Variants in MYO6 observed in about 807,000 individuals in gnomAD.
MYO6 encodes unconventional myosin-VI.
A neutral mutation model predicts 178.7 loss-of-function variants in MYO6; 74 were observed. The ratio of observed to expected loss-of-function variants is 0.41; its 90% CI spans 0.34 to 0.50. The LOEUF (loss-of-function observed/expected upper bound fraction) is 0.50, where lower values mean the gene tolerates loss of function less well. MYO6 is among the 20% of genes least tolerant of loss of function. The pLI, the probability that MYO6 is intolerant of heterozygous loss-of-function variation, is 0.09. For missense variants in MYO6, 1,330 were observed against 1,547.4 expected (o/e 0.86, Z 2.36); for synonymous variants, 477 against 504.6 (o/e 0.95, Z 0.73).
intron 20 of MYO6, among the ~76,000 whole-genome samples, chr6:75,874,064 T>G (rs1777371078): frequency 6.6e-6 from 1 of 152,226 alleles, no homozygotes; most frequent in Non-Finnish European, 1.5e-5. Flanking sequence ...CTCTGACTCC[T>G]TATTTTGCTC....
At chr6:75,869,349 G>T (rs1223600748) in intron 18 of MYO6, among the ~76,000 whole-genome samples, 1 of 152,082 alleles carries the variant, frequency 6.6e-6, no homozygotes, top group Non-Finnish European at 1.5e-5. Context: ...ACAGGAGAAT[G>T]AAATTTGGTG....
At chr6:75,868,890 T>G (rs1314420212) in intron 18 of MYO6, among the ~76,000 whole-genome samples, 1 of 152,066 alleles carries the variant, frequency 6.6e-6, no homozygotes, top group Non-Finnish European at 1.5e-5. Context: ...GAAACATAAT[T>G]CTATTATAAG....
rs768288359 is a variant in MYO6, at chr6:75,866,552, T to G, written c.1701T>G (p.Val567=). ...LTIPRKSKLA[V]HRNIRDDEGF... ...TTCCCAGAAAATCTAAGCTGGCAGT[T>G]CATAGGAATATCAGAGACGACGAAG... is the stretch of plus-strand genomic sequence containing the variant. The change falls in exon 17 of 35, where the codon GTT becomes GTG. Residue 567 remains valine, a synonymous_variant. Transcript: ENST00000369977. The G allele has an allele frequency of 6.2e-7, 1 of 1,613,992 alleles. No homozygotes were observed. Among genetic ancestry groups the G allele is most frequent in the Non-Finnish European group, 8.5e-7 (1 of 1,179,876 alleles).
chr6:75,837,577 T>G (rs888287347), intron 7 of MYO6, among the ~76,000 whole-genome samples: 2 of 152,200 alleles, frequency 1.3e-5, no homozygotes, highest in African/African-American at 4.8e-5. Context: ...ATTAGGGGCC[T>G]TGTATGTTCA....
intron 19 of MYO6, among the ~76,000 whole-genome samples, chr6:75,871,966 A>G (rs1387280971): frequency 6.6e-6 from 1 of 151,738 alleles, no homozygotes; most frequent in Non-Finnish European, 1.5e-5. Flanking sequence ...GTCTCTGCTA[A>G]AAAAATACAA....
At chr6:75,910,640 A>T (rs1343668311) in intron 32 of MYO6, among the ~76,000 whole-genome samples, 1 of 152,158 alleles carries the variant, frequency 6.6e-6, no homozygotes, top group East Asian at 1.9e-4. Flanking sequence ...CTTGATTATG[A>T]GTCATTTTCA....
intron 1 of MYO6, among the ~76,000 whole-genome samples, chr6:75,808,546 T>C (rs529876336): frequency 6.6e-6 from 1 of 152,286 alleles, no homozygotes; most frequent in African/African-American, 2.4e-5. Flanking sequence ...ATTCAGTCCA[T>C]AGCAGTACTT....
At chr6:75,756,757 T>TA (rs1777393440) in intron 1 of MYO6, among the ~76,000 whole-genome samples, 1 of 152,126 alleles carries the variant, frequency 6.6e-6, no homozygotes, top group Non-Finnish European at 1.5e-5. Context: ...ACCTTCATTT[T>TA]ACAGATTAGG....
chr6:75,897,520 C>T (rs185558690), intron 29 of MYO6, among the ~76,000 whole-genome samples: 383 of 152,212 alleles, frequency 2.5e-3, no homozygotes, highest in Non-Finnish European at 3.8e-3. Context: ...TAGTCAGGGT[C>T]CCAGCTCTTG....
rs760295586 is a variant in MYO6 at position 75,915,039 on chromosome 6, G to T, written c.*27G>T. On this transcript the variant is annotated 3_prime_UTR_variant, in exon 35 of 35. Transcript: ENST00000369977. ...TGTTGCACACCAGCCTTACAGCTGG[G>T]AGCCTTTGCCATGGTACTTAGGTAG... The T allele has an allele frequency of 1.3e-6, 2 of 1,596,396 alleles. No individual in the cohort carries two copies. The highest frequency in any genetic ancestry group is 1.1e-5 in the South Asian group (1 of 88,992).
At chr6:75,795,833 G>A (rs1768759599) in intron 1 of MYO6, among the ~76,000 whole-genome samples, 1 of 152,148 alleles carries the variant, frequency 6.6e-6, no homozygotes, top group Admixed American at 6.5e-5. Context: ...GAATAGATCT[G>A]ATTTGAGGGT....
At chr6:75,880,480 A>G (rs774242421) in intron 22 of MYO6, among the ~76,000 whole-genome samples, 2 of 152,202 alleles carry the variant, frequency 1.3e-5, no homozygotes, top group Non-Finnish European at 1.5e-5. Flanking sequence ...TGAGCTAAAT[A>G]AACAAAACAA....
chr6:75,834,205 T>C (rs1397521775), intron 6 of MYO6, among the ~76,000 whole-genome samples: 1 of 151,890 alleles, frequency 6.6e-6, no homozygotes, highest in Non-Finnish European at 1.5e-5. Context: ...TGTGTTTTTT[T>C]GTTTGTTTGT....
chr6:75,914,687 A>G (rs1781017379), intron 34 of MYO6, 126 bp from the exon 35 acceptor site: 1 of 910,892 alleles, frequency 1.1e-6, no homozygotes, highest in Non-Finnish European at 1.7e-6. Context: ...GCAGATTTCC[A>G]TCTTAGAGAA....
At chr6:75,862,762 C>T (rs200352563) in intron 16 of MYO6, 39 bp downstream of exon 16, 112 of 1,606,282 alleles carry the variant, frequency 7.0e-5, no homozygotes, top group East Asian at 8.9e-5. Context: ...TATGGTGGGA[C>T]GAGACATTAT....
chr6:75,901,343 A>G (rs1029255489), intron 30 of MYO6, among the ~76,000 whole-genome samples: 1 of 152,158 alleles, frequency 6.6e-6, no homozygotes, highest in Non-Finnish European at 1.5e-5. Flanking sequence ...CATTTTCACG[A>G]TATTGATTCT....
intron 1 of MYO6, among the ~76,000 whole-genome samples, chr6:75,798,176 G>A (rs188573497): frequency 6.6e-6 from 1 of 151,998 alleles, no homozygotes; most frequent in African/African-American, 2.4e-5. Context: ...GAAAGGTAGG[G>A]GTCCAGTTTC....
At chr6:75,782,471 G>T (rs1418229843) in intron 1 of MYO6, among the ~76,000 whole-genome samples, 1 of 151,946 alleles carries the variant, frequency 6.6e-6, no homozygotes, top group African/African-American at 2.4e-5. Flanking sequence ...TTTATAGCTG[G>T]TTAAAAGGAA....
At chr6:75,843,081 C>A (rs1237314811) in intron 9 of MYO6, among the ~76,000 whole-genome samples, 1 of 152,098 alleles carries the variant, frequency 6.6e-6, no homozygotes, top group Non-Finnish European at 1.5e-5. Flanking sequence ...CACAACACAC[C>A]CACTACTATA....
Sources: allele counts gnomAD v4.1 joint callset (sites outside exome capture counted in the v4.1 genomes callset), GRCh38; gene constraint gnomAD v4.1.1; transcripts MANE v1.5; gene names NCBI Gene and HGNC (gene_info 2026-07-23, HGNC 2026-07-21).